The following R3HDM2 variants were observed in gnomAD, a reference collection of about 807,000 sequenced individuals.
R3HDM2 encodes R3H domain containing 2.
In R3HDM2, 38 loss-of-function variants were observed where a neutral mutation model predicts 124.5. The ratio of observed to expected loss-of-function variants is 0.31; its 90% CI spans 0.24 to 0.40. The LOEUF (loss-of-function observed/expected upper bound fraction) is 0.40, where lower values mean the gene tolerates loss of function less well. R3HDM2 is among the 10% of genes least tolerant of loss of function. R3HDM2 has a pLI of 1.00. For missense variants in R3HDM2, 869 were observed against 1,236.9 expected, an observed-to-expected ratio of 0.70 and a Z score of 4.46; for synonymous variants, 391 against 448.0, an observed-to-expected ratio of 0.87 and a Z score of 1.61.
Position 57,281,525 on chromosome 12 carries a change from G to C in R3HDM2, c.1172-995C>G, listed in dbSNP as rs75807552. ...TTTTGAGACAGGGTCTCACTCTGTC[G>C]CCCAGGCTGGAATGCAGTGGCACGA... is the stretch of plus-strand genomic sequence containing the variant. On this transcript the variant is annotated intron_variant, in intron 13 of 23. Transcript: ENST00000402412. 6.8e-3 allele frequency among the ~76,000 whole-genome samples: 1,022 copies of C among 150,676 alleles called. 19 individuals are homozygous for C. In the East Asian group the frequency reaches 0.073, roughly 11 times the overall value.
chr12:57,257,163 G>A (rs1404823403), intron 21 of R3HDM2, among the ~76,000 whole-genome samples: 1 of 152,034 alleles, frequency 6.6e-6, no homozygotes, highest in Admixed American at 6.6e-5. Context: ...TAAACCCAGG[G>A]TTCAAGTTTC....
intron 3 of R3HDM2, among the ~76,000 whole-genome samples, chr12:57,307,851 G>T (rs926395988): frequency 6.6e-6 from 1 of 151,860 alleles, no homozygotes; most frequent in South Asian, 2.1e-4. Context: ...TGCATAGAGA[G>T]TAGAGTGCTT....
intron 1 of R3HDM2, among the ~76,000 whole-genome samples, chr12:57,410,109 C>A (rs910141516): frequency 6.6e-6 from 1 of 151,984 alleles, no homozygotes; most frequent in Non-Finnish European, 1.5e-5. Context: ...ATAGTAGCAA[C>A]AAGATCCTAC....
At chr12:57,431,073 G>C (rs958923786), upstream of R3HDM2, 11 of 152,416 alleles carry the variant, frequency 7.2e-5, no homozygotes, top group African/African-American at 2.4e-4. Context: ...ACCTCGTCCT[G>C]CGTTCCGGCC....
At chr12:57,336,649 A>G (rs1402734628) in intron 2 of R3HDM2, among the ~76,000 whole-genome samples, 3 of 152,096 alleles carry the variant, frequency 2.0e-5, no homozygotes, top group Non-Finnish European at 4.4e-5. Context: ...AACAATACAC[A>G]CTGGGGTCTA....
rs74939531 is a variant in R3HDM2, at chr12:57,283,137, C to T, written c.1171+687G>A. Among the ~76,000 whole-genome samples the T allele has an allele frequency of 1.9e-3, 293 of 152,290 alleles. 1 individual carries two copies. Among genetic ancestry groups the T allele is most frequent in the African/African-American group, 6.8e-3 (283 of 41,564 alleles). ...TATCAATTAATTACAAACTACTAAA[C>T]TCTAAGGATTCCCTCTGCTCTACAA... On this transcript the variant is annotated intron_variant, in intron 13 of 23. Coordinates refer to ENST00000402412, the MANE Select transcript of R3HDM2 (RefSeq NM_001394031.1).
intron 14 of R3HDM2, among the ~76,000 whole-genome samples, chr12:57,278,246 G>A (rs955818172): frequency 2.6e-5 from 4 of 152,140 alleles, no homozygotes; most frequent in Admixed American, 6.5e-5. Context: ...CAATGCCAAC[G>A]ATCGACCAAT....
chr12:57,321,763 A>G (rs917867162), intron 2 of R3HDM2, among the ~76,000 whole-genome samples: 1 of 152,192 alleles, frequency 6.6e-6, no homozygotes, highest in Admixed American at 6.6e-5. Flanking sequence ...ACATACTATA[A>G]TAGTCTATTT....
intron 2 of R3HDM2, among the ~76,000 whole-genome samples, chr12:57,312,183 T>C (rs1024781557): frequency 1.3e-4 from 20 of 152,262 alleles, no homozygotes; most frequent in African/African-American, 4.6e-4. Context: ...TCACAACAGA[T>C]ATTTTCCTCT....
intron 2 of R3HDM2, among the ~76,000 whole-genome samples, chr12:57,334,740 TCAG>T (rs2058642508): frequency 2.0e-5 from 3 of 152,028 alleles, no homozygotes; most frequent in African/African-American, 7.2e-5. Context: ...TATTGAGGAA[TCAG>T]TGTAGGGATA....
At chr12:57,308,424 C>T (rs2053207270) in intron 3 of R3HDM2, among the ~76,000 whole-genome samples, 1 of 151,368 alleles carries the variant, frequency 6.6e-6, no homozygotes, top group African/African-American at 2.4e-5. Context: ...CCAGGTGCTG[C>T]CTGCAATCCC....
At position 57,296,322 on chromosome 12, in the gene R3HDM2, G is replaced by T; in HGVS notation, c.701+89C>A. The T allele has an allele frequency of 6.9e-7, 1 of 1,452,806 alleles. No individual in the cohort carries two copies. Among genetic ancestry groups the T allele is most frequent in the Non-Finnish European group, 9.4e-7 (1 of 1,066,370 alleles). The allele number at this position is 1,452,806 out of a possible 1,614,324, so 90.0% of individuals were successfully genotyped here. A position where few individuals can be genotyped will look rare whatever the true frequency, so the allele number is the denominator to read the frequency against. On this transcript the variant is annotated intron_variant, in intron 9 of 23. Coordinates refer to ENST00000402412, the MANE Select transcript of R3HDM2 (RefSeq NM_001394031.1). The surrounding 1 kb of genome is among the most constrained non-coding windows in gnomAD (Gnocchi z 4.5). ...TGTGAGCCACCACGCCTGGCCATCT[G>T]CAAGAGACATCCTGATCCTACACCT... is the stretch of plus-strand genomic sequence containing the variant.
intron 14 of R3HDM2, among the ~76,000 whole-genome samples, chr12:57,274,574 T>G (rs558557407): frequency 6.6e-6 from 1 of 152,354 alleles, no homozygotes; most frequent in South Asian, 2.1e-4. Flanking sequence ...ATGCTCCTCT[T>G]AGGCCTCCCC....
rs796239738 is a variant in R3HDM2 at position 57,428,513 on chromosome 12, G to A, written c.-106+2207C>T. ...GGTATGGTGGGGGGTGTGGTGGGGG[G>A]CGTGGTGGGGGGGCACCTGTAGTCC... is the stretch of plus-strand genomic sequence containing the variant. On this transcript the variant is annotated intron_variant, in intron 1 of 23. Transcript: ENST00000402412. Among the ~76,000 whole-genome samples the A allele has an allele frequency of 1.3e-3, 191 of 145,510 alleles. 1 individual carries two copies. Among genetic ancestry groups the A allele is most frequent in the African/African-American group, 4.5e-3 (178 of 39,438 alleles).
At chr12:57,303,026 C>T in intron 4 of R3HDM2, 150 bp downstream of exon 4, 2 of 689,498 alleles carry the variant, frequency 2.9e-6, no homozygotes, top group Non-Finnish European at 5.0e-6. Context: ...TGTGTGTATG[C>T]ACACTTACGC....
intron 19 of R3HDM2, among the ~76,000 whole-genome samples, chr12:57,263,192 A>G (rs1248396916): frequency 6.6e-6 from 1 of 152,226 alleles, no homozygotes; most frequent in East Asian, 1.9e-4. Flanking sequence ...GTGACCCAAT[A>G]GATATAAGGA....
intron 2 of R3HDM2, among the ~76,000 whole-genome samples, chr12:57,371,083 C>CTTTTTTTTTT (rs775839017): frequency 0.23 from 9,229 of 40,896 alleles, 2,388 homozygotes; most frequent in Middle Eastern, 0.31. Context: ...TATACCATTA[C>CTTTTTTTTTT]TTTTTTTTTT....
rs1401642951 is a variant in R3HDM2 at position 57,269,391 on chromosome 12, G to A, written c.1646C>T (p.Pro549Leu). 2.5e-6 allele frequency: 4 copies of A among 1,614,182 alleles called. No individual in the cohort carries two copies. Among genetic ancestry groups the A allele is most frequent in the Non-Finnish European group, 8.5e-7 (1 of 1,180,026 alleles). ...GCTATAGGCCACCGGGTGAGAGAGAGGTCGATATTGCTGGTTGGAGTTAGG... is the reference window on the plus strand; with the variant it reads ...GCTATAGGCCACCGGGTGAGAGAGAAGTCGATATTGCTGGTTGGAGTTAGG... ...QYPNSNQQYR[P>L]LSHPVAYSPQ... The change falls in exon 16 of 24, where the codon CCT becomes CTT. Residue 549 changes from proline (P) to leucine (L), a missense_variant. Physicochemically the swap from Pro to Leu is moderately conservative, Grantham distance 98 (BLOSUM62 -3). Around this residue, in one of 2 missense-constraint regions of R3HDM2, gnomAD observed 602 missense variants for 789.2 expected, o/e 0.76. Coordinates refer to ENST00000402412, the MANE Select transcript of R3HDM2 (RefSeq NM_001394031.1).
intron 14 of R3HDM2, among the ~76,000 whole-genome samples, chr12:57,271,462 GCA>G (rs1174932733): frequency 2.9e-5 from 4 of 138,106 alleles, no homozygotes; most frequent in Non-Finnish European, 4.7e-5. Context: ...ACACACACAC[GCA>G]CACACAACTA....
Sources: gnomAD v4.1 joint callset for allele counts (sites outside exome capture counted in the v4.1 genomes callset) on GRCh38, gnomAD v4.1.1 for gene constraint, gnomAD v4.1.1 regional missense constraint, Gnocchi (gnomAD v3.1) non-coding constraint, MANE v1.5 for transcripts, NCBI Gene and HGNC (gene_info 2026-07-23, HGNC 2026-07-21) for gene names.